Variants in PAM16 observed in about 807,000 individuals in gnomAD.
PAM16 encodes mitochondrial import inner membrane translocase subunit TIM16.
Under a neutral mutation model 17.9 loss-of-function variants are expected in PAM16, and 11 were observed. That is an observed-to-expected ratio of 0.62 (90% CI 0.39 to 1.02). PAM16 has a LOEUF of 1.02. Among genes scored for constraint, PAM16 ranks in the 50% least tolerant of loss-of-function variants. The pLI, the probability that PAM16 is intolerant of heterozygous loss-of-function variation, is 0.01. For synonymous variants in PAM16, 72 were observed against 67.4 expected (o/e 1.07, Z -0.34); for missense variants, 199 against 165.4 (o/e 1.20, Z -1.11).
At chr16:4,350,890 C>G in intron 1 of PAM16, 1 of 235,724 alleles carries the variant, frequency 4.2e-6, no homozygotes, top group Non-Finnish European at 8.1e-6. Flanking sequence ...GCAGCAACAT[C>G]GACTCTGCAG....
At chr16:4,343,753 C>A in intron 1 of PAM16, 1 of 418,448 alleles carries the variant, frequency 2.4e-6, no homozygotes, top group Non-Finnish European at 4.2e-6. Flanking sequence ...ACAGATCTGT[C>A]CTAATTCTCC....
Position 4,351,226 on chromosome 16 carries a change from G to A in PAM16, c.3+6C>T. 2 of 1,448,570 alleles carry A rather than the reference G, an allele frequency of 1.4e-6. No homozygotes were observed. The highest frequency in any genetic ancestry group is 1.8e-6 in the Non-Finnish European group (2 of 1,093,330). 89.7% of individuals were successfully genotyped at this position (1,448,570 alleles called of 1,614,324 possible). On this transcript the variant is annotated splice_donor_region_variant and intron_variant, in intron 1 of 4. Transcript: ENST00000318059. ...CCTCCCCGGTAGCGCCCGACTCGGG[G>A]CTCACCATGGCAGCCGCTCTGCCTC...
chr16:4,340,441 G>A (rs555693948), intron 4 of PAM16, 36 bp from the exon 5 acceptor site: 3 of 1,601,698 alleles, frequency 1.9e-6, no homozygotes, highest in Non-Finnish European at 2.6e-6. Context: ...GGGAGGCCAA[G>A]CCTCCGCCCC....
At chr16:4,347,214 G>C (rs1283591767) in intron 1 of PAM16, 1 of 152,180 alleles carries the variant, frequency 6.6e-6, no homozygotes, top group Non-Finnish European at 1.5e-5. Context: ...TGGGCCATTA[G>C]GGGAATGAAC....
At chr16:4,348,750 G>A (rs2053798057) in intron 1 of PAM16, 1 of 151,896 alleles carries the variant, frequency 6.6e-6, no homozygotes, top group Non-Finnish European at 1.5e-5. Flanking sequence ...CTGCCTCCCG[G>A]GTTCAAGAAA....
rs776838285 is a variant in PAM16, at chr16:4,341,001, G to A, written c.226-16C>T. The A allele has an allele frequency of 2.5e-6, 4 of 1,612,896 alleles. No individual in the cohort carries two copies. Among genetic ancestry groups the A allele is most frequent in the Non-Finnish European group, 2.5e-6 (3 of 1,179,710 alleles). ...GTTCATAGTTCTGCAGAGGAGAGGG[G>A]ACGGGTGAGAGGGCTGCAGACTGCA... On this transcript the variant is annotated splice_polypyrimidine_tract_variant and intron_variant, in intron 3 of 4. Coordinates refer to ENST00000318059, the MANE Select transcript of PAM16 (RefSeq NM_016069.11).
At chr16:4,347,534 A>G (rs2053776945) in intron 1 of PAM16, 1 of 152,298 alleles carries the variant, frequency 6.6e-6, no homozygotes, top group African/African-American at 2.4e-5. Context: ...TTAACACCAC[A>G]TGGACAAACA....
At chr16:4,346,459 A>G (rs183883157) in intron 1 of PAM16, among the ~76,000 whole-genome samples, 1 of 152,334 alleles carries the variant, frequency 6.6e-6, no homozygotes, top group African/African-American at 2.4e-5. Context: ...ACAAAATCTG[A>G]CAATGACCAG....
At chr16:4,341,750 A>C (rs1445143195) in intron 2 of PAM16, 1 of 589,738 alleles carries the variant, frequency 1.7e-6, no homozygotes, top group African/African-American at 1.9e-5. Flanking sequence ...CCTGGTCCCC[A>C]ACCTAGACCA....
Position 4,351,222 on chromosome 16 carries a change from C to A in PAM16, c.3+10G>T. ...TTCCCCTCCCCGGTAGCGCCCGACTCGGGGCTCACCATGGCAGCCGCTCTG... is the reference window on the plus strand; with the variant it reads ...TTCCCCTCCCCGGTAGCGCCCGACTAGGGGCTCACCATGGCAGCCGCTCTG... On this transcript the variant is annotated intron_variant, in intron 1 of 4. Coordinates refer to ENST00000318059, the MANE Select transcript of PAM16 (RefSeq NM_016069.11). The A allele has an allele frequency of 7.0e-7, 1 of 1,438,796 alleles. No homozygotes were observed. The highest frequency in any genetic ancestry group is 9.2e-7 in the Non-Finnish European group (1 of 1,087,862). 89.1% of individuals were successfully genotyped at this position (1,438,796 alleles called of 1,614,324 possible).
chr16:4,350,463 G>A (rs901320092), intron 1 of PAM16, among the ~76,000 whole-genome samples: 34 of 151,658 alleles, frequency 2.2e-4, no homozygotes, highest in African/African-American at 7.8e-4. Flanking sequence ...GTGCACTGGC[G>A]GATCTCGGCT....
At chr16:4,345,001 A>T (rs2053732192) in intron 1 of PAM16, among the ~76,000 whole-genome samples, 1 of 152,074 alleles carries the variant, frequency 6.6e-6, no homozygotes, top group South Asian at 2.1e-4. Flanking sequence ...AGCAGCCAAT[A>T]GCCTAGGCTG....
At chr16:4,350,442 C>T (rs1048525156) in intron 1 of PAM16, among the ~76,000 whole-genome samples, 4 of 151,852 alleles carry the variant, frequency 2.6e-5, no homozygotes, top group Non-Finnish European at 5.9e-5. Context: ...CACCCTGTCG[C>T]CCAGGCTAGA....
At chr16:4,343,166 G>T (rs1288708599) in intron 2 of PAM16, 41 bp downstream of exon 2, 4 of 1,612,200 alleles carry the variant, frequency 2.5e-6, no homozygotes, top group Non-Finnish European at 3.4e-6. Context: ...CTGACCTGGA[G>T]AGGAACTCCC....
intron 1 of PAM16, 59 bp from the exon 2 acceptor site, chr16:4,343,350 G>A (rs577934924): frequency 1.2e-5 from 18 of 1,550,124 alleles, no homozygotes; most frequent in Non-Finnish European, 1.5e-5. Context: ...ACAGAGATGG[G>A]CCCTGGAAAC....
rs11989 is a variant in PAM16 at position 4,340,357 on chromosome 16, G to T, written c.340C>A (p.Gln114Lys). 0.062 allele frequency: 99,723 copies of T among 1,612,836 alleles called. 4,125 individuals carry two copies. The highest frequency in any genetic ancestry group is 0.17 in the African/African-American group (12,882 of 75,028). ...RLDEELKIQA[Q>K]EDREKGQMPH... ...ATCTGCCCTTTTTCTCTGTCCTCCTGGGCCTGGATTTTGAGTTCCTCATCC... is the reference window on the plus strand; with the variant it reads ...ATCTGCCCTTTTTCTCTGTCCTCCTTGGCCTGGATTTTGAGTTCCTCATCC... The change falls in exon 5 of 5, where the codon CAG becomes AAG. Residue 114 changes from glutamine to lysine, a missense_variant. Gln to Lys is a moderately conservative substitution (Grantham distance 53). Transcript: ENST00000318059.
At chr16:4,348,957 T>C (rs973338941) in intron 1 of PAM16, among the ~76,000 whole-genome samples, 20 of 132,626 alleles carry the variant, frequency 1.5e-4, no homozygotes, top group East Asian at 4.6e-4. Context: ...CACTTTCTTT[T>C]TTTTTTTTTT....
chr16:4,350,105 A>G (rs1159303812), intron 1 of PAM16, among the ~76,000 whole-genome samples: 1 of 151,934 alleles, frequency 6.6e-6, no homozygotes. Flanking sequence ...CAAGAACCTG[A>G]ACTTTTTTTT....
At chr16:4,345,191 C>G (rs2053737171) in intron 1 of PAM16, 2 of 152,126 alleles carry the variant, frequency 1.3e-5, no homozygotes, top group Non-Finnish European at 2.9e-5. Context: ...TGTGGCACAG[C>G]CGAGTGACTT....
Sources: gnomAD v4.1 joint callset for allele counts (sites outside exome capture counted in the v4.1 genomes callset) on GRCh38, gnomAD v4.1.1 for gene constraint, MANE v1.5 for transcripts, NCBI Gene and HGNC (gene_info 2026-07-23, HGNC 2026-07-21) for gene names.